Variants in CAMK1D observed in about 807,000 individuals in gnomAD.
CAMK1D encodes the protein calcium/calmodulin dependent protein kinase ID.
A neutral mutation model predicts 47.7 loss-of-function variants in CAMK1D; 9 were observed. That is an observed-to-expected ratio of 0.19 (90% CI 0.11 to 0.33). CAMK1D has a LOEUF of 0.33. Ranked by LOEUF, CAMK1D falls within the 10% of genes least tolerant of loss-of-function variation. The probability of loss-of-function intolerance (pLI) is 1.00; values close to 1 mark genes in which losing one functional copy is unlikely to be tolerated. For synonymous variants in CAMK1D, 184 were observed against 184.9 expected, an observed-to-expected ratio of 0.99 and a Z score of 0.04; for missense variants, 291 against 488.7, an observed-to-expected ratio of 0.60 and a Z score of 3.81.
intron 4 of CAMK1D, 152 bp downstream of exon 4, chr10:12,761,238 C>A: frequency 1.2e-6 from 1 of 826,512 alleles, no homozygotes; most frequent in Non-Finnish European, 1.8e-6. Flanking sequence ...GTTGTCAGGG[C>A]CTTTGGGATC....
chr10:12,573,226 T>C (rs1837380966), intron 2 of CAMK1D, among the ~76,000 whole-genome samples: 1 of 152,204 alleles, frequency 6.6e-6, no homozygotes. Context: ...CCTGCAGCCC[T>C]GGGATAGAAA....
intron 1 of CAMK1D, among the ~76,000 whole-genome samples, chr10:12,390,580 G>A (rs1188053035): frequency 2.0e-5 from 3 of 152,116 alleles, no homozygotes; most frequent in African/African-American, 7.2e-5. Context: ...GGTAGAATAG[G>A]GTCCATTGTG....
intron 1 of CAMK1D, among the ~76,000 whole-genome samples, chr10:12,481,805 G>A (rs551180515): frequency 6.6e-5 from 10 of 152,172 alleles, no homozygotes; most frequent in Non-Finnish European, 1.5e-4. Context: ...ACCACGCCTG[G>A]CCTAAACTCT....
chr10:12,458,880 CTTTTTTT>C (rs35804649), intron 1 of CAMK1D, among the ~76,000 whole-genome samples: 2 of 120,680 alleles, frequency 1.7e-5, no homozygotes, highest in African/African-American at 6.1e-5. Context: ...CCTTTCTTTC[CTTTTTTT>C]TTTTTTTTTG....
chr10:12,723,672 TA>T (rs1834491548), intron 3 of CAMK1D, among the ~76,000 whole-genome samples: 2 of 152,140 alleles, frequency 1.3e-5, no homozygotes, highest in Non-Finnish European at 2.9e-5. Flanking sequence ...TCTATTAAAA[TA>T]CATCATAAAT....
intron 2 of CAMK1D, among the ~76,000 whole-genome samples, chr10:12,625,008 T>TCCA (rs1308698143): frequency 6.6e-6 from 1 of 151,134 alleles, no homozygotes; most frequent in Admixed American, 6.6e-5. Context: ...CTCCTCCTCC[T>TCCA]CCTCCTCCTC....
intron 1 of CAMK1D, among the ~76,000 whole-genome samples, chr10:12,537,719 C>T (rs993482569): frequency 6.6e-6 from 1 of 152,150 alleles, no homozygotes; most frequent in Admixed American, 6.5e-5. Context: ...GTGGGAAGCC[C>T]TTGGCATAAC....
At chr10:12,627,978 G>A (rs1466628312) in intron 2 of CAMK1D, among the ~76,000 whole-genome samples, 1 of 152,008 alleles carries the variant, frequency 6.6e-6, no homozygotes, top group East Asian at 1.9e-4. Flanking sequence ...CTACTCAGGA[G>A]GCTGAGGCAG....
intron 3 of CAMK1D, among the ~76,000 whole-genome samples, chr10:12,722,352 A>T (rs1281250230): frequency 7.0e-6 from 1 of 142,130 alleles, no homozygotes; most frequent in Admixed American, 7.6e-5. Context: ...AGGCTGAGGC[A>T]GGAGAATGGT....
In CAMK1D at chr10:12,553,345, C is replaced by G. The variant is rs571244811; in HGVS notation, c.213C>G (p.Ala71=). 6.2e-7 allele frequency: 1 copy of G among 1,612,520 alleles called. No individual in the cohort carries two copies. The highest frequency in any genetic ancestry group is 1.3e-5 in the African/African-American group (1 of 74,982). The change falls in exon 2 of 11, where the codon GCC becomes GCG. Residue 71 remains alanine, a synonymous_variant. Coordinates refer to ENST00000619168, the MANE Select transcript of CAMK1D (RefSeq NM_153498.4). ...GKESSIENEI[A]VLRKIKHENI... ...AAAGCAGCATAGAGAATGAGATAGC[C>G]GTCCTGAGAAAGTAAGTGCTGGAGG...
intron 3 of CAMK1D, among the ~76,000 whole-genome samples, chr10:12,726,893 C>T (rs1834664962): frequency 6.6e-6 from 1 of 152,230 alleles, no homozygotes; most frequent in Non-Finnish European, 1.5e-5. Flanking sequence ...TTCGTGCATC[C>T]AGGTGAGAAT....
At chr10:12,824,667 A>G in intron 9 of CAMK1D, 115 bp downstream of exon 9, 1 of 762,490 alleles carries the variant, frequency 1.3e-6, no homozygotes, top group South Asian at 1.6e-5. Flanking sequence ...TGCTAATTTT[A>G]ACTGCAAGTA....
chr10:12,370,213 C>T (rs983116498), intron 1 of CAMK1D, among the ~76,000 whole-genome samples: 3 of 151,990 alleles, frequency 2.0e-5, no homozygotes, highest in Non-Finnish European at 2.9e-5. Flanking sequence ...GTTGTGGTGC[C>T]ATGGATTACT....
intron 3 of CAMK1D, among the ~76,000 whole-genome samples, chr10:12,678,311 C>T (rs1000804618): frequency 6.6e-5 from 10 of 152,180 alleles, no homozygotes; most frequent in African/African-American, 1.2e-4. Flanking sequence ...TTTCCTTCTA[C>T]AGTTGATTTC....
chr10:12,625,962 T>A (rs1259729516), intron 2 of CAMK1D, among the ~76,000 whole-genome samples: 1 of 152,234 alleles, frequency 6.6e-6, no homozygotes, highest in East Asian at 1.9e-4. Flanking sequence ...CTTGTTTTGT[T>A]GATTTTATAG....
chr10:12,349,897 G>A lies in CAMK1D; in HGVS notation c.79G>A (p.Glu27Lys), dbSNP rs1837296869. The part of the protein sequence containing the change: ...EDIKKIFEFK[E>K]TLGTGAFSEV... ...CATCAAGAAGATCTTCGAGTTCAAA[G>A]AGACCCTCGGAACGTAAGTGGGGAC... The change falls in exon 1 of 11, where the codon GAG becomes AAG. Residue 27 changes from glutamate (E) to lysine (K), a missense_variant. This residue lies in a region of CAMK1D where 219 missense variants were observed against 424.3 expected (regional missense o/e 0.52). Transcript: ENST00000619168. The A allele has an allele frequency of 6.5e-7, 1 of 1,549,868 alleles. No homozygotes were observed. The highest frequency in any genetic ancestry group is 8.7e-7 in the Non-Finnish European group (1 of 1,146,362).
intron 1 of CAMK1D, among the ~76,000 whole-genome samples, chr10:12,424,657 A>G (rs553321399): frequency 1.3e-5 from 2 of 152,104 alleles, no homozygotes; most frequent in Non-Finnish European, 2.9e-5. Context: ...TTTAAAACCC[A>G]TCAGGGCTGG....
At chr10:12,625,926 A>C (rs1839200882) in intron 2 of CAMK1D, among the ~76,000 whole-genome samples, 1 of 152,208 alleles carries the variant, frequency 6.6e-6, no homozygotes. Context: ...GAAAACAGCC[A>C]GTTTAATCCC....
intron 3 of CAMK1D, among the ~76,000 whole-genome samples, chr10:12,728,659 G>T (rs769224567): frequency 2.6e-5 from 4 of 152,210 alleles, no homozygotes; most frequent in Admixed American, 1.3e-4. Flanking sequence ...GGACAGCTGC[G>T]TTAGGATGAG....
Sources: gnomAD v4.1 joint callset for allele counts (sites outside exome capture counted in the v4.1 genomes callset) on GRCh38, gnomAD v4.1.1 for gene constraint, gnomAD v4.1.1 regional missense constraint, MANE v1.5 for transcripts, NCBI Gene and HGNC (gene_info 2026-07-23, HGNC 2026-07-21) for gene names.